The following SCNN1B variants were observed in gnomAD, a reference collection of about 807,000 sequenced individuals.
SCNN1B encodes the protein epithelial sodium channel subunit beta.
In SCNN1B, 46 loss-of-function variants were observed where a neutral mutation model predicts 65.3. The observed-to-expected ratio is 0.70, with a 90% CI of 0.56 to 0.90. The LOEUF (loss-of-function observed/expected upper bound fraction) is 0.90, where lower values mean the gene tolerates loss of function less well. Among genes scored for constraint, SCNN1B ranks in the 40% least tolerant of loss-of-function variants. The pLI is 0.00. For synonymous variants in SCNN1B, 349 were observed against 330.6 expected (o/e 1.06, Z -0.60); for missense variants, 751 against 830.5 (o/e 0.90, Z 1.18).
At chr16:23,305,534 T>TTATATATATA (rs56338840) in intron 1 of SCNN1B, among the ~76,000 whole-genome samples, 2 of 7,364 alleles carry the variant, frequency 2.7e-4, no homozygotes, top group Non-Finnish European at 5.2e-4. Context: ...AATATATATA[T>TTATATATATA]TATATATATA....
intron 2 of SCNN1B, among the ~76,000 whole-genome samples, chr16:23,284,675 T>G (rs1372271205): frequency 6.6e-6 from 1 of 152,112 alleles, no homozygotes; most frequent in Admixed American, 6.6e-5. Flanking sequence ...TACAAAAGCA[T>G]GGAGTGAACC....
chr16:23,368,167 C>T lies in SCNN1B; in HGVS notation c.880+208C>T, dbSNP rs250562. Among the ~76,000 whole-genome samples the T allele has an allele frequency of 0.017, 2,656 of 152,268 alleles. 45 individuals are homozygous for T. The highest frequency in any genetic ancestry group is 0.024 in the Middle Eastern group (7 of 294). ...ATTCCCGCCCACAATGTTCAGAATC[C>T]GTGGGGTAGCAACTGGTGTTCCCAT... On this transcript the variant is annotated intron_variant, in intron 5 of 12. Coordinates refer to ENST00000343070, the MANE Select transcript of SCNN1B (RefSeq NM_000336.3).
At chr16:23,299,078 G>A (rs1051202857), upstream of SCNN1B, among the ~76,000 whole-genome samples, 5 of 106,130 alleles carry the variant, frequency 4.7e-5, no homozygotes, top group Non-Finnish European at 7.7e-5. Flanking sequence ...TTTTTTTTTC[G>A]AGATTGAGTC....
At chr16:23,296,574 C>T (rs1400716130) in intron 2 of SCNN1B, among the ~76,000 whole-genome samples, 1 of 151,880 alleles carries the variant, frequency 6.6e-6, no homozygotes, top group Non-Finnish European at 1.5e-5. Context: ...GAAATGGGAA[C>T]AAAAATTTAA....
At chr16:23,363,770 C>T (rs370457730) in intron 4 of SCNN1B, among the ~76,000 whole-genome samples, 152 of 150,768 alleles carry the variant, frequency 1.0e-3, no homozygotes, top group African/African-American at 3.4e-3. Flanking sequence ...GCTATGATCA[C>T]GCCATTGCAC....
chr16:23,304,188 G>T, intron 1 of SCNN1B: 4 of 1,097,808 alleles, frequency 3.6e-6, no homozygotes, highest in Non-Finnish European at 5.3e-6. Flanking sequence ...TAACTTCACA[G>T]GATCTGAATT....
intron 1 of SCNN1B, chr16:23,304,099 C>A (rs1475671554): frequency 1.3e-6 from 2 of 1,535,304 alleles, no homozygotes; most frequent in South Asian, 1.2e-5. Context: ...CAAAAATTTT[C>A]AGGTTGGTTT....
At chr16:23,296,627 G>A (rs927856740) in intron 2 of SCNN1B, among the ~76,000 whole-genome samples, 1 of 152,132 alleles carries the variant, frequency 6.6e-6, no homozygotes, top group Non-Finnish European at 1.5e-5. Context: ...ATAACAAAAA[G>A]GACATGGATC....
chr16:23,325,266 T>C (rs1961670885), intron 1 of SCNN1B, among the ~76,000 whole-genome samples: 1 of 152,180 alleles, frequency 6.6e-6, no homozygotes, highest in African/African-American at 2.4e-5. Flanking sequence ...ATTTTTCTTT[T>C]TTCTTTTTCT....
chr16:23,323,305 G>A (rs527761684), intron 1 of SCNN1B, among the ~76,000 whole-genome samples: 1 of 152,258 alleles, frequency 6.6e-6, no homozygotes, highest in Non-Finnish European at 1.5e-5. Context: ...AAAGGTAGAG[G>A]ATTTGTGGGT....
chr16:23,380,828 T>C lies in SCNN1B; in HGVS notation c.*27T>C. The C allele has an allele frequency of 6.2e-7, 1 of 1,610,676 alleles. No homozygotes were observed. Among genetic ancestry groups the C allele is most frequent in the Non-Finnish European group, 8.5e-7 (1 of 1,179,286 alleles). ...CCTGCCCCTGCCCACCCCGGGCGGC[T>C]GAAACTCACTGAGCAGCCAAGACTG... On this transcript the variant is annotated 3_prime_UTR_variant, in exon 13 of 13. Coordinates refer to ENST00000343070, the MANE Select transcript of SCNN1B (RefSeq NM_000336.3). The surrounding 1 kb of genome is among the most constrained non-coding windows in gnomAD (Gnocchi z 5.4).
intron 1 of SCNN1B, among the ~76,000 whole-genome samples, chr16:23,317,355 T>C (rs1325667988): frequency 6.6e-6 from 1 of 152,174 alleles, no homozygotes; most frequent in East Asian, 1.9e-4. Flanking sequence ...TGGTTGGTAG[T>C]TCCCAGCAGC....
upstream of SCNN1B, among the ~76,000 whole-genome samples, chr16:23,300,974 CAT>C (rs566695610): frequency 2.6e-3 from 386 of 145,940 alleles, 2 homozygotes; most frequent in African/African-American, 9.3e-3. Flanking sequence ...AACAAAATAA[CAT>C]ATATGTGTTA....
intron 1 of SCNN1B, among the ~76,000 whole-genome samples, chr16:23,310,581 G>T (rs912849787): frequency 6.6e-6 from 1 of 152,194 alleles, no homozygotes; most frequent in Admixed American, 6.5e-5. Context: ...GGATGCTGAG[G>T]CAGGAAGATG....
intron 1 of SCNN1B, among the ~76,000 whole-genome samples, chr16:23,323,293 A>G (rs181985998): frequency 7.0e-4 from 107 of 152,212 alleles, no homozygotes; most frequent in African/African-American, 2.5e-3. Flanking sequence ...CTGCACCTAG[A>G]AAAAGGTAGA....
At chr16:23,375,912 A>T in intron 8 of SCNN1B, 57 bp downstream of exon 8, 1 of 1,206,808 alleles carries the variant, frequency 8.3e-7, no homozygotes. Flanking sequence ...AGAGGCTCTG[A>T]CCATAGAGGA....
At chr16:23,370,780 T>C (rs534496196) in intron 5 of SCNN1B, among the ~76,000 whole-genome samples, 1 of 152,154 alleles carries the variant, frequency 6.6e-6, no homozygotes, top group Non-Finnish European at 1.5e-5. Context: ...ATTCCAGAGC[T>C]AGGGAATAGC....
At chr16:23,280,944 C>T (rs1313660115) in intron 1 of SCNN1B, among the ~76,000 whole-genome samples, 1 of 152,208 alleles carries the variant, frequency 6.6e-6, no homozygotes, top group Non-Finnish European at 1.5e-5. Context: ...AGGAGAGAGA[C>T]ACTTCCTTAC....
At chr16:23,306,364 A>G (rs1961220251) in intron 1 of SCNN1B, among the ~76,000 whole-genome samples, 1 of 152,206 alleles carries the variant, frequency 6.6e-6, no homozygotes, top group Non-Finnish European at 1.5e-5. Flanking sequence ...TGGGCATTAA[A>G]TGAGTCAACA....
Sources: allele counts gnomAD v4.1 joint callset (sites outside exome capture counted in the v4.1 genomes callset), GRCh38; gene constraint gnomAD v4.1.1; non-coding constraint Gnocchi (gnomAD v3.1); transcripts MANE v1.5; gene names NCBI Gene and HGNC (gene_info 2026-07-23, HGNC 2026-07-21).